Variants in RORA observed in about 807,000 individuals in gnomAD.
The protein encoded by RORA is RAR related orphan receptor A, also known as nuclear receptor ROR-alpha.
RORA carries 7 observed loss-of-function variants against 69.5 expected under a neutral mutation model. That is an observed-to-expected ratio of 0.10 (90% CI 0.06 to 0.19). RORA has a LOEUF of 0.19. RORA is among the 10% of genes least tolerant of loss of function. The probability of loss-of-function intolerance (pLI) is 1.00; values close to 1 mark genes in which losing one functional copy is unlikely to be tolerated. For missense variants in RORA, 457 were observed against 663.0 expected (o/e 0.69, Z 3.41); for synonymous variants, 261 against 240.8 (o/e 1.08, Z -0.78).
At chr15:60,683,002 A>C (rs1404511822) in intron 1 of RORA, among the ~76,000 whole-genome samples, 1 of 152,104 alleles carries the variant, frequency 6.6e-6, no homozygotes, top group Non-Finnish European at 1.5e-5. Flanking sequence ...ATGCAGAATG[A>C]GGTAGTCAGT....
intron 2 of RORA, chr15:60,592,733 ACCCCGGCCGGGCCTGCCCTC>A: frequency 9.2e-7 from 1 of 1,090,800 alleles, no homozygotes; most frequent in Non-Finnish European, 1.1e-6. Context: ...CTGCTGGCCC[ACCCCGGCCGGGCCTGCCCTC>A]CCGCGCCCCG....
chr15:60,636,430 A>C (rs888567016), intron 2 of RORA, among the ~76,000 whole-genome samples: 5 of 152,230 alleles, frequency 3.3e-5, no homozygotes, highest in Non-Finnish European at 7.3e-5. Context: ...TTTTGCAATT[A>C]CTTTTAATAG....
At position 61,135,578 on chromosome 15, in the gene RORA, CAAA is replaced by C. The variant is rs11453914; in HGVS notation, c.166+93472_166+93474del. ...ATGTTAGAAACTTGTATTTCCACATCAAAAAAAAAAAAAAAAAAAACCACAACT... is the reference window on the plus strand; with the variant it reads ...ATGTTAGAAACTTGTATTTCCACATCAAAAAAAAAAAAAAAAACCACAACT... On this transcript the variant is annotated intron_variant, in intron 1 of 10. Coordinates refer to ENST00000335670, the MANE Select transcript of RORA (RefSeq NM_134261.3). Among the ~76,000 whole-genome samples the C allele has an allele frequency of 6.2e-5, 7 of 112,284 alleles. No homozygotes were observed. The South Asian group carries it at 1.9e-3, about 31-fold the overall frequency. The allele number at this position is 112,284 out of a possible 152,430, so 73.7% of individuals were successfully genotyped here.
At chr15:60,767,924 G>A (rs567373532) in intron 1 of RORA, among the ~76,000 whole-genome samples, 1 of 152,220 alleles carries the variant, frequency 6.6e-6, no homozygotes, top group Non-Finnish European at 1.5e-5. Flanking sequence ...GTTCCTTAAG[G>A]GCAGGGCCAC....
intron 1 of RORA, among the ~76,000 whole-genome samples, chr15:60,702,366 G>C (rs190206196): frequency 6.6e-6 from 1 of 152,176 alleles, no homozygotes; most frequent in Admixed American, 6.5e-5. Flanking sequence ...CGAGTAGCTG[G>C]GATTACAGGC....
Position 60,516,681 on chromosome 15 carries a change from T to G in RORA, c.283-1924A>C, listed in dbSNP as rs138568244. Among the ~76,000 whole-genome samples, 619 of 152,158 alleles carry G rather than the reference T, an allele frequency of 4.1e-3. 5 individuals carry two copies. Among genetic ancestry groups the G allele is most frequent in the African/African-American group, 0.014 (598 of 41,508 alleles). ...TCAATTTGGCAGTTGTATCAAAAAT[T>G]TTTAAAAAGCCTACCCACTGAGCTA... On this transcript the variant is annotated intron_variant, in intron 3 of 10. Coordinates refer to ENST00000335670, the MANE Select transcript of RORA (RefSeq NM_134261.3).
intron 1 of RORA, among the ~76,000 whole-genome samples, chr15:60,962,134 A>G (rs1893431737): frequency 6.6e-6 from 1 of 152,120 alleles, no homozygotes; most frequent in Non-Finnish European, 1.5e-5. Flanking sequence ...TTTAAAGTTG[A>G]GCTTTCTTCT....
intron 2 of RORA, among the ~76,000 whole-genome samples, chr15:60,560,401 A>C (rs977337429): frequency 4.6e-5 from 7 of 152,110 alleles, no homozygotes; most frequent in Non-Finnish European, 8.8e-5. Flanking sequence ...GCTTATGCTG[A>C]ATAACTGTAC....
At chr15:61,146,677 AAGC>A (rs1724087717) in intron 1 of RORA, among the ~76,000 whole-genome samples, 1 of 152,232 alleles carries the variant, frequency 6.6e-6, no homozygotes. Flanking sequence ...TGCCTAAGAA[AAGC>A]AACAAAAAAT....
intron 1 of RORA, among the ~76,000 whole-genome samples, chr15:60,886,312 A>G (rs1301182465): frequency 6.6e-6 from 1 of 152,170 alleles, no homozygotes; most frequent in Non-Finnish European, 1.5e-5. Context: ...CATTGAAGTG[A>G]CTGGACAAAG....
At chr15:60,709,767 A>G (rs749416571) in intron 1 of RORA, among the ~76,000 whole-genome samples, 2 of 152,062 alleles carry the variant, frequency 1.3e-5, no homozygotes, top group Non-Finnish European at 2.9e-5. Flanking sequence ...ATTTCATTAT[A>G]TATTACAATG....
chr15:60,755,112 C>G (rs2071779435), intron 1 of RORA, among the ~76,000 whole-genome samples: 1 of 149,462 alleles, frequency 6.7e-6, no homozygotes, highest in Middle Eastern at 3.2e-3. Context: ...TTAGGTATAT[C>G]TCCTAATGCT....
intron 1 of RORA, among the ~76,000 whole-genome samples, chr15:60,935,781 C>T (rs1216801715): frequency 6.6e-6 from 1 of 152,220 alleles, no homozygotes; most frequent in Non-Finnish European, 1.5e-5. Context: ...AGGTGGACTT[C>T]AACAGCCAGA....
intron 1 of RORA, among the ~76,000 whole-genome samples, chr15:60,808,032 A>G (rs755077762): frequency 1.6e-4 from 24 of 152,366 alleles, no homozygotes; most frequent in Non-Finnish European, 3.2e-4. Context: ...CTTCATGACC[A>G]AGAACCCAAA....
chr15:60,638,547 G>A (rs1425489203), intron 2 of RORA, among the ~76,000 whole-genome samples: 2 of 152,050 alleles, frequency 1.3e-5, no homozygotes, highest in Non-Finnish European at 2.9e-5. Context: ...AATAGACACA[G>A]AAACACTAAA....
At chr15:60,903,387 G>A (rs770684474) in intron 1 of RORA, among the ~76,000 whole-genome samples, 2 of 152,136 alleles carry the variant, frequency 1.3e-5, no homozygotes, top group Non-Finnish European at 2.9e-5. Flanking sequence ...TGTTGGACGC[G>A]TTTATGGGCC....
chr15:61,029,931 A>G (rs953541324), intron 1 of RORA, among the ~76,000 whole-genome samples: 1 of 152,154 alleles, frequency 6.6e-6, no homozygotes, highest in Non-Finnish European at 1.5e-5. Flanking sequence ...TCACCTAAAG[A>G]GAGACAAGTG....
chr15:61,218,829 T>A (rs897170890), intron 1 of RORA, among the ~76,000 whole-genome samples: 1 of 152,184 alleles, frequency 6.6e-6, no homozygotes, highest in African/African-American at 2.4e-5. Context: ...TAGTGCAACA[T>A]GATTTTTAAT....
intron 2 of RORA, chr15:60,558,308 T>G (rs773986254): frequency 6.2e-7 from 1 of 1,607,340 alleles, no homozygotes; most frequent in South Asian, 1.1e-5. Context: ...AGTTCATCCC[T>G]GGAACGAAAA....
Sources: allele counts gnomAD v4.1 joint callset (sites outside exome capture counted in the v4.1 genomes callset), GRCh38; gene constraint gnomAD v4.1.1; transcripts MANE v1.5; gene names NCBI Gene and HGNC (gene_info 2026-07-23, HGNC 2026-07-21).